Variants in PDE4B observed in about 807,000 individuals in gnomAD.
PDE4B encodes phosphodiesterase 4B.
PDE4B carries 20 observed loss-of-function variants against 82.2 expected under a neutral mutation model. The ratio of observed to expected loss-of-function variants is 0.24; its 90% CI spans 0.17 to 0.35. The LOEUF is 0.35. Among genes scored for constraint, PDE4B ranks in the 10% least tolerant of loss-of-function variants. The pLI is 1.00. For missense variants in PDE4B, 655 were observed against 907.2 expected (o/e 0.72, Z 3.57); for synonymous variants, 320 against 318.9 (o/e 1.00, Z -0.04).
chr1:65,884,576 C>T (rs1184308585), intron 1 of PDE4B, among the ~76,000 whole-genome samples: 1 of 152,148 alleles, frequency 6.6e-6, no homozygotes, highest in East Asian at 1.9e-4. Flanking sequence ...ACCATCTGAT[C>T]TTTGATAAAC....
At chr1:66,008,324 A>G (rs1652273071) in intron 3 of PDE4B, among the ~76,000 whole-genome samples, 1 of 152,096 alleles carries the variant, frequency 6.6e-6, no homozygotes, top group Non-Finnish European at 1.5e-5. Flanking sequence ...TCATTCACTC[A>G]TTCATTCATT....
chr1:66,148,133 G>C (rs1214959123), intron 3 of PDE4B, among the ~76,000 whole-genome samples: 1 of 152,094 alleles, frequency 6.6e-6, no homozygotes, highest in Admixed American at 6.6e-5. Context: ...AGCCGAGCTT[G>C]GTGGTGAGTA....
intron 3 of PDE4B, among the ~76,000 whole-genome samples, chr1:66,041,637 G>A (rs2100829258): frequency 6.6e-6 from 1 of 151,972 alleles, no homozygotes; most frequent in African/African-American, 2.4e-5. Flanking sequence ...GCCAGTTGCA[G>A]GATGAAGTCA....
At chr1:66,369,040 T>C in intron 16 of PDE4B, 71 bp downstream of exon 16, 1 of 1,166,742 alleles carries the variant, frequency 8.6e-7, no homozygotes, top group Non-Finnish European at 1.2e-6. Flanking sequence ...TCTATTTAAT[T>C]CCGTTTTTCC....
chr1:66,334,670 G>T (rs1660373280), intron 8 of PDE4B, among the ~76,000 whole-genome samples: 2 of 152,208 alleles, frequency 1.3e-5, no homozygotes, highest in Admixed American at 6.5e-5. Flanking sequence ...ATTATTTAGT[G>T]CATGAATGAT....
At chr1:65,881,464 A>G (rs547241389) in intron 1 of PDE4B, among the ~76,000 whole-genome samples, 60 of 152,240 alleles carry the variant, frequency 3.9e-4, no homozygotes, top group Non-Finnish European at 7.6e-4. Context: ...CCTCACTTCC[A>G]CAGATGCAGA....
At chr1:65,891,120 TATTATC>T (rs1438370490) in intron 1 of PDE4B, among the ~76,000 whole-genome samples, 1 of 152,176 alleles carries the variant, frequency 6.6e-6, no homozygotes, top group African/African-American at 2.4e-5. Flanking sequence ...AAGTAAAACT[TATTATC>T]ATTTGCCATT....
intron 3 of PDE4B, among the ~76,000 whole-genome samples, chr1:66,212,526 A>T (rs563080): frequency 0.92 from 140,671 of 152,206 alleles, 65,738 homozygotes; most frequent in Non-Finnish European, 0.99. Flanking sequence ...CCTGATCTAC[A>T]CTACTCGTTT....
At chr1:66,064,170 C>A (rs1212458877) in intron 3 of PDE4B, among the ~76,000 whole-genome samples, 1 of 151,846 alleles carries the variant, frequency 6.6e-6, no homozygotes, top group Non-Finnish European at 1.5e-5. Context: ...CCTTTATCAG[C>A]AAAAATAGAA....
rs575814611 is a variant in PDE4B, at chr1:66,283,875, G to C, written c.634+17788G>C. On this transcript the variant is annotated intron_variant, in intron 7 of 16. Transcript: ENST00000341517. ...TTTTCTGTGTCAGAGAGAGAGAAGG[G>C]AGAGAGAGCGAGAGAAAGAGAGAGA... 1.1e-4 allele frequency among the ~76,000 whole-genome samples: 17 copies of C among 152,262 alleles called. No individual in the cohort carries two copies. In the South Asian group the frequency reaches 3.3e-3, roughly 30 times the overall value.
intron 3 of PDE4B, among the ~76,000 whole-genome samples, chr1:66,000,093 C>T (rs2489913): frequency 0.98 from 149,049 of 152,246 alleles, 73,035 homozygotes; most frequent in Middle Eastern, 1. Context: ...CAAATCATAC[C>T]TCCTAGTCTG....
At chr1:65,885,704 C>A (rs1211635686) in intron 1 of PDE4B, among the ~76,000 whole-genome samples, 4 of 151,642 alleles carry the variant, frequency 2.6e-5, no homozygotes, top group African/African-American at 7.3e-5. Context: ...CACACTGGGG[C>A]CTGTTGTGGG....
At chr1:66,362,991 T>C (rs1662915554) in intron 10 of PDE4B, among the ~76,000 whole-genome samples, 177 bp from the exon 11 acceptor site, 1 of 152,184 alleles carries the variant, frequency 6.6e-6, no homozygotes, top group South Asian at 2.1e-4. Flanking sequence ...GTAGCTATCA[T>C]GAAGAGGACA....
chr1:66,170,872 A>G (rs896864946), intron 3 of PDE4B, among the ~76,000 whole-genome samples: 1 of 152,202 alleles, frequency 6.6e-6, no homozygotes, highest in African/African-American at 2.4e-5. Flanking sequence ...TTATAGTACC[A>G]GGTTTACATG....
intron 3 of PDE4B, among the ~76,000 whole-genome samples, chr1:66,077,352 T>A (rs1490056422): frequency 6.6e-6 from 1 of 152,198 alleles, no homozygotes; most frequent in Non-Finnish European, 1.5e-5. Flanking sequence ...TTAACACGTG[T>A]CAACTTAATT....
At chr1:66,367,572 G>T in intron 13 of PDE4B, 124 bp from the exon 14 acceptor site, 2 of 748,406 alleles carry the variant, frequency 2.7e-6, no homozygotes, top group South Asian at 4.0e-5. Flanking sequence ...AAGAGGAAAT[G>T]ACATGTAGCT....
At chr1:65,895,881 A>G (rs1269956815) in intron 1 of PDE4B, among the ~76,000 whole-genome samples, 1 of 149,730 alleles carries the variant, frequency 6.7e-6, no homozygotes, top group East Asian at 1.9e-4. Context: ...TGGTTTACAA[A>G]TGATAATAAT....
At chr1:65,945,497 G>C (rs1351297503) in intron 3 of PDE4B, among the ~76,000 whole-genome samples, 2 of 151,924 alleles carry the variant, frequency 1.3e-5, no homozygotes, top group Non-Finnish European at 2.9e-5. Flanking sequence ...CCTTTCCCTG[G>C]GTGAAAGGGT....
At chr1:66,211,619 C>T (rs1215230979) in intron 3 of PDE4B, among the ~76,000 whole-genome samples, 1 of 152,198 alleles carries the variant, frequency 6.6e-6, no homozygotes, top group African/African-American at 2.4e-5. Context: ...ATTTAATCCT[C>T]TCAGCATTTT....
Sources: allele counts gnomAD v4.1 joint callset (sites outside exome capture counted in the v4.1 genomes callset), GRCh38; gene constraint gnomAD v4.1.1; transcripts MANE v1.5; gene names NCBI Gene and HGNC (gene_info 2026-07-23, HGNC 2026-07-21).